ADGRV1: variants seen among roughly 807,000 people sequenced by gnomAD.
The protein encoded by ADGRV1 is G-protein coupled receptor 98.
A neutral mutation model predicts 596.2 loss-of-function variants in ADGRV1; 359 were observed. The observed-to-expected ratio is 0.60, with a 90% CI of 0.55 to 0.66. The LOEUF (loss-of-function observed/expected upper bound fraction) is 0.66. ADGRV1 is among the 30% of genes least tolerant of loss of function. The probability of loss-of-function intolerance (pLI) is 0.00; values close to 1 mark genes in which losing one functional copy is unlikely to be tolerated. For missense variants in ADGRV1, 7,274 were observed against 7,575.6 expected, an observed-to-expected ratio of 0.96 and a Z score of 1.48; for synonymous variants, 2,681 against 2,679.2, an observed-to-expected ratio of 1.00 and a Z score of -0.02.
intron 85 of ADGRV1, among the ~76,000 whole-genome samples, chr5:91,047,708 G>A (rs747755479): frequency 6.6e-6 from 1 of 152,156 alleles, no homozygotes; most frequent in African/African-American, 2.4e-5. Flanking sequence ...TTGACACTCA[G>A]TATTAACCAT....
intron 21 of ADGRV1, among the ~76,000 whole-genome samples, chr5:90,665,573 T>C (rs945282835): frequency 4.6e-4 from 69 of 151,480 alleles, no homozygotes; most frequent in South Asian, 1.1e-3. Flanking sequence ...AGCTCCTGGA[T>C]TCATTAATTT....
intron 87 of ADGRV1, among the ~76,000 whole-genome samples, chr5:91,144,285 A>T (rs10059760): frequency 0.035 from 5,268 of 152,284 alleles, 132 homozygotes; most frequent in Non-Finnish European, 0.053. Context: ...GGTATGGTCA[A>T]TCCAAATATT....
chr5:90,853,323 AT>A lies in ADGRV1; in HGVS notation c.17246del (p.Leu5749TrpfsTer37). The A allele has an allele frequency of 6.2e-7, 1 of 1,612,592 alleles. No individual in the cohort carries two copies. The highest frequency in any genetic ancestry group is 8.5e-7 in the Non-Finnish European group (1 of 1,178,986). On this transcript the variant is annotated frameshift_variant, in exon 80 of 90. Transcript: ENST00000405460. LOFTEE classifies it high-confidence loss of function. ...TTGATAGTTGCCCATATTTGTCAAT[AT>A]TGGCTCTTCACTGGTATCCTCAGCA... ...ILDSCPYLSI[L>X]ALHWYPQQIN... is the part of the protein sequence containing the mutation.
At chr5:90,709,084 A>C (rs1301691806) in intron 39 of ADGRV1, among the ~76,000 whole-genome samples, 175 bp downstream of exon 39, 1 of 152,200 alleles carries the variant, frequency 6.6e-6, no homozygotes, top group African/African-American at 2.4e-5. Flanking sequence ...TTTTACAATG[A>C]ACAATGTAAA....
chr5:90,941,495 CATTA>C (rs1776165371), intron 83 of ADGRV1, among the ~76,000 whole-genome samples: 1 of 152,206 alleles, frequency 6.6e-6, no homozygotes, highest in African/African-American at 2.4e-5. Context: ...AGTTCTGTCT[CATTA>C]ATTTCAGGGT....
intron 1 of ADGRV1, among the ~76,000 whole-genome samples, chr5:90,565,846 T>C (rs955997406): frequency 2.6e-5 from 4 of 152,202 alleles, no homozygotes; most frequent in African/African-American, 9.6e-5. Context: ...CTTTTTATGT[T>C]AACCATCCTA....
At chr5:90,559,015 G>A in intron 1 of ADGRV1, 98 bp downstream of exon 1, 1 of 1,139,006 alleles carries the variant, frequency 8.8e-7, no homozygotes, top group Non-Finnish European at 1.2e-6. Flanking sequence ...GGCGAGGGCG[G>A]CGCGGAGGGC....
At chr5:90,811,537 TG>T (rs746103147) in intron 74 of ADGRV1, among the ~76,000 whole-genome samples, 199 bp downstream of exon 74, 3 of 152,176 alleles carry the variant, frequency 2.0e-5, no homozygotes, top group Admixed American at 6.5e-5. Context: ...TATAATTTAA[TG>T]TACTATAAAT....
chr5:90,710,834 T>C, intron 39 of ADGRV1, 147 bp from the exon 40 acceptor site: 1 of 543,142 alleles, frequency 1.8e-6, no homozygotes, highest in Non-Finnish European at 3.2e-6. Flanking sequence ...ATTGTCTCTT[T>C]ATTTTCTTAA....
chr5:90,730,149 G>A (rs753737117), intron 50 of ADGRV1, among the ~76,000 whole-genome samples: 7 of 152,154 alleles, frequency 4.6e-5, no homozygotes, highest in Non-Finnish European at 7.4e-5. Context: ...GAGCCACCAC[G>A]CCCAGCCGAC....
At position 90,778,629 on chromosome 5, in the gene ADGRV1, A is replaced by C; in HGVS notation, c.12849+20A>C. On this transcript the variant is annotated intron_variant, in intron 63 of 89. Transcript: ENST00000405460. ...CAGAGGGTATAGTATGAAATGCTTA[A>C]GATTTTAATATCATTTTTATTTTTA... The C allele has an allele frequency of 6.7e-7, 1 of 1,495,930 alleles. No individual in the cohort carries two copies. The allele number at this position is 1,495,930 out of a possible 1,614,324, so 92.7% of individuals were successfully genotyped here.
intron 21 of ADGRV1, among the ~76,000 whole-genome samples, chr5:90,666,976 A>G (rs1364404874): frequency 6.6e-6 from 1 of 151,978 alleles, no homozygotes; most frequent in Non-Finnish European, 1.5e-5. Flanking sequence ...CTGCCAAGAG[A>G]TCCGTTGTTA....
intron 83 of ADGRV1, among the ~76,000 whole-genome samples, chr5:90,959,498 G>C (rs1181865508): frequency 6.6e-6 from 1 of 152,114 alleles, no homozygotes; most frequent in Non-Finnish European, 1.5e-5. Context: ...AAATGACTAA[G>C]AGTAACCAAA....
chr5:90,788,314 T>G lies in ADGRV1; in HGVS notation c.13893+4T>G. 1.3e-6 allele frequency: 2 copies of G among 1,591,506 alleles called. No individual in the cohort carries two copies. The highest frequency in any genetic ancestry group is 8.6e-7 in the Non-Finnish European group (1 of 1,167,220). ...AGCTAAAGATGTTACATTAACCGTA[T>G]GTATGGCTTTATTTTTCTCACAAAA... is the stretch of plus-strand genomic sequence containing the variant. On this transcript the variant is annotated splice_donor_region_variant and intron_variant, in intron 68 of 89. Coordinates refer to ENST00000405460, the MANE Select transcript of ADGRV1 (RefSeq NM_032119.4).
intron 4 of ADGRV1, among the ~76,000 whole-genome samples, chr5:90,620,829 C>T (rs899879227): frequency 1.3e-5 from 2 of 151,974 alleles, no homozygotes; most frequent in African/African-American, 4.8e-5. Flanking sequence ...TAGCCAGTTA[C>T]TTTCAAAAAA....
chr5:90,633,450 G>A (rs1180734619), intron 9 of ADGRV1, among the ~76,000 whole-genome samples: 1 of 151,672 alleles, frequency 6.6e-6, no homozygotes, highest in Non-Finnish European at 1.5e-5. Flanking sequence ...AGCTCTTTTT[G>A]AATATACAGC....
In ADGRV1 at chr5:90,840,819, C is replaced by T. The variant is rs758542889; in HGVS notation, c.16853C>T (p.Thr5618Ile). 6.2e-7 allele frequency: 1 copy of T among 1,613,898 alleles called. No homozygotes were observed. The highest frequency in any genetic ancestry group is 1.1e-5 in the South Asian group (1 of 91,070). The change falls in exon 78 of 90, where the codon ACT becomes ATT. Residue 5618 changes from threonine to isoleucine, a missense_variant. By Grantham distance (89) the Thr-to-Ile change is moderately conservative (BLOSUM62 -1). Around this residue, in one of 5 missense-constraint regions of ADGRV1, gnomAD observed 1,874 missense variants for 1,970.2 expected, o/e 0.95. Transcript: ENST00000405460. The stretch of plus-strand genomic sequence containing the variant: ...AAAGTGTATGGGACTGCCAACATCA[C>T]TCTTGTCTCAGATGCAGATTCGCAG... ...IDKVYGTANI[T>I]LVSDADSQAI... is the part of the protein sequence containing the mutation.
At chr5:91,146,843 C>G (rs1489211899) in intron 87 of ADGRV1, among the ~76,000 whole-genome samples, 1 of 152,114 alleles carries the variant, frequency 6.6e-6, no homozygotes, top group African/African-American at 2.4e-5. Context: ...AGCTAGATTT[C>G]AGCATCACTT....
At chr5:90,655,346 T>G (rs1361442247) in intron 20 of ADGRV1, 1 of 152,212 alleles carries the variant, frequency 6.6e-6, no homozygotes, top group African/African-American at 2.4e-5. Context: ...TTTGTGAAGT[T>G]CATCCATATT....
Sources: gnomAD v4.1 joint callset for allele counts (sites outside exome capture counted in the v4.1 genomes callset) on GRCh38, gnomAD v4.1.1 for gene constraint, gnomAD v4.1.1 regional missense constraint, MANE v1.5 for transcripts, NCBI Gene and HGNC (gene_info 2026-07-23, HGNC 2026-07-21) for gene names.